Variants in PTPRM observed in about 807,000 individuals in gnomAD.
PTPRM encodes the protein receptor-type tyrosine-protein phosphatase mu.
A neutral mutation model predicts 186.7 loss-of-function variants in PTPRM; 47 were observed. The ratio of observed to expected loss-of-function variants is 0.25; its 90% CI spans 0.20 to 0.32. The LOEUF is 0.32. PTPRM is among the 10% of genes least tolerant of loss of function. The pLI is 1.00. For missense variants in PTPRM, 1,494 were observed against 1,865.0 expected (o/e 0.80, Z 3.66); for synonymous variants, 668 against 674.9 (o/e 0.99, Z 0.16).
At chr18:7,793,812 C>CT (rs544452425) in intron 2 of PTPRM, among the ~76,000 whole-genome samples, 10 of 152,120 alleles carry the variant, frequency 6.6e-5, no homozygotes, top group Non-Finnish European at 1.5e-4. Context: ...ACCACACCCC[C>CT]ATCTTGTCCC....
At position 8,150,940 on chromosome 18, in the gene PTPRM, C is replaced by G. The variant is rs116755432; in HGVS notation, c.2300+7161C>G. ...GAGGTCCGCTCCAGACCTTGTTTGC[C>G]TGGGTATCACCAGCGGAGACAGCAG... On this transcript the variant is annotated intron_variant, in intron 14 of 32. Coordinates refer to ENST00000580170, the MANE Select transcript of PTPRM (RefSeq NM_001105244.2). Among the ~76,000 whole-genome samples, 754 of 152,228 alleles carry G rather than the reference C, an allele frequency of 5.0e-3. 3 individuals carry two copies. The highest frequency in any genetic ancestry group is 0.017 in the African/African-American group (720 of 41,518).
At chr18:8,004,833 T>G (rs2084082770) in intron 7 of PTPRM, among the ~76,000 whole-genome samples, 3 of 152,122 alleles carry the variant, frequency 2.0e-5, no homozygotes, top group Admixed American at 1.3e-4. Context: ...GCAATCGCCG[T>G]TTACCCTACT....
intron 1 of PTPRM, among the ~76,000 whole-genome samples, chr18:7,750,537 A>G (rs679873): frequency 0.47 from 71,929 of 152,012 alleles, 18,868 homozygotes; most frequent in East Asian, 0.97. Context: ...TTTACTGGCT[A>G]TTAGAGCCAA....
At chr18:7,948,073 T>G (rs1439058381) in intron 5 of PTPRM, among the ~76,000 whole-genome samples, 1 of 151,766 alleles carries the variant, frequency 6.6e-6, no homozygotes, top group African/African-American at 2.4e-5. Flanking sequence ...TGTCCATTGT[T>G]TTTTACTAAT....
chr18:8,363,645 T>C (rs568145123), intron 23 of PTPRM, among the ~76,000 whole-genome samples: 15 of 152,266 alleles, frequency 9.9e-5, no homozygotes, highest in African/African-American at 3.6e-4. Context: ...GGACTTACAT[T>C]TGGGGAATAG....
chr18:8,342,291 GTTTATAAAATGCCT>G (rs1568786990), intron 22 of PTPRM, among the ~76,000 whole-genome samples: 1 of 152,168 alleles, frequency 6.6e-6, no homozygotes, highest in African/African-American at 2.4e-5. Context: ...TTGCTTTGTT[GTTTATAAAATGCCT>G]GAGTATACAT....
At chr18:7,666,317 G>C (rs1239746715) in intron 1 of PTPRM, among the ~76,000 whole-genome samples, 2 of 152,042 alleles carry the variant, frequency 1.3e-5, no homozygotes, top group African/African-American at 4.8e-5. Context: ...GCTTGCAAGG[G>C]GGAGATTGAA....
intron 27 of PTPRM, among the ~76,000 whole-genome samples, chr18:8,378,684 T>C (rs1401395694): frequency 1.5e-4 from 23 of 152,188 alleles, no homozygotes. Context: ...TTTCCACTCC[T>C]TCCCTCTGAA....
At chr18:7,665,739 A>G (rs1459332805) in intron 1 of PTPRM, among the ~76,000 whole-genome samples, 2 of 151,994 alleles carry the variant, frequency 1.3e-5, no homozygotes, top group South Asian at 2.1e-4. Flanking sequence ...ATCCTGGCCA[A>G]TGTGAAGCCT....
At chr18:8,056,698 C>T (rs747354906) in intron 7 of PTPRM, among the ~76,000 whole-genome samples, 1 of 151,150 alleles carries the variant, frequency 6.6e-6, no homozygotes, top group Non-Finnish European at 1.5e-5. Context: ...ACTTTAAGAT[C>T]TGTCCTTCGG....
At chr18:8,392,499 T>C (rs1010405167) in intron 31 of PTPRM, among the ~76,000 whole-genome samples, 9 of 151,778 alleles carry the variant, frequency 5.9e-5, no homozygotes, top group Admixed American at 2.0e-4. Flanking sequence ...TGGTGGCAGG[T>C]GCCTGTAGTC....
intron 7 of PTPRM, among the ~76,000 whole-genome samples, chr18:8,042,589 C>T (rs997313602): frequency 6.6e-6 from 1 of 152,060 alleles, no homozygotes; most frequent in African/African-American, 2.4e-5. Flanking sequence ...ATGTTGCTGG[C>T]TTGAACAATC....
At chr18:8,351,576 A>G (rs919409185) in intron 23 of PTPRM, among the ~76,000 whole-genome samples, 1 of 152,192 alleles carries the variant, frequency 6.6e-6, no homozygotes, top group Non-Finnish European at 1.5e-5. Flanking sequence ...ATCTGGCCAC[A>G]GGGACGGCCT....
chr18:8,397,913 C>T (rs894669217), intron 32 of PTPRM, among the ~76,000 whole-genome samples: 4 of 152,228 alleles, frequency 2.6e-5, no homozygotes, highest in African/African-American at 4.8e-5. Context: ...CTCCCCTCCA[C>T]AGCCTAGTGC....
chr18:7,602,402 G>A lies in PTPRM; in HGVS notation c.73+34511G>A, dbSNP rs573682499. Among the ~76,000 whole-genome samples, 3 of 151,888 alleles carry A rather than the reference G, an allele frequency of 2.0e-5. No individual in the cohort carries two copies. In the South Asian group the frequency reaches 6.3e-4, roughly 32 times the overall value. ...GTTGAATTTAACATTAGATATTTGGGTTATCTGGGAAGTTTGATTGTGGCA... is the reference window on the plus strand; with the variant it reads ...GTTGAATTTAACATTAGATATTTGGATTATCTGGGAAGTTTGATTGTGGCA... On this transcript the variant is annotated intron_variant, in intron 1 of 32. Transcript: ENST00000580170.
intron 19 of PTPRM, among the ~76,000 whole-genome samples, chr18:8,261,372 C>T (rs2094629739): frequency 6.6e-6 from 1 of 152,070 alleles, no homozygotes; most frequent in Admixed American, 6.5e-5. Context: ...TATTATGGTG[C>T]TGGTGAGCCA....
chr18:7,589,766 A>G (rs1266786456), intron 1 of PTPRM, among the ~76,000 whole-genome samples: 1 of 152,244 alleles, frequency 6.6e-6, no homozygotes, highest in Non-Finnish European at 1.5e-5. Context: ...AAACAAAGGC[A>G]TATACTCCTC....
At chr18:7,735,949 C>T (rs1347933692) in intron 1 of PTPRM, among the ~76,000 whole-genome samples, 1 of 151,848 alleles carries the variant, frequency 6.6e-6, no homozygotes, top group Non-Finnish European at 1.5e-5. Flanking sequence ...GAAAGCACCG[C>T]CTCCCCCCAC....
rs2053224576 is a variant in PTPRM at position 7,955,080 on chromosome 18, G to A, written c.839-41G>A. 5 of 1,535,464 alleles carry A rather than the reference G, an allele frequency of 3.3e-6. No homozygotes were observed. The East Asian group carries it at 1.1e-4, about 35-fold the overall frequency. On this transcript the variant is annotated intron_variant, in intron 6 of 32. Transcript: ENST00000580170. ...CATGTTTAGCTCTTTTAAGACTGAA[G>A]ACAAAGCATCTGAAAGACAGCTTTC...
Sources: allele counts gnomAD v4.1 joint callset (sites outside exome capture counted in the v4.1 genomes callset), GRCh38; gene constraint gnomAD v4.1.1; transcripts MANE v1.5; gene names NCBI Gene and HGNC (gene_info 2026-07-23, HGNC 2026-07-21).